Variants in GRK5 observed in about 807,000 individuals in gnomAD.
The protein encoded by GRK5 is g protein-coupled receptor kinase GRK5.
In GRK5, 40 loss-of-function variants were observed where a neutral mutation model predicts 78.4. The observed-to-expected ratio is 0.51, with a 90% CI of 0.40 to 0.66. The LOEUF (loss-of-function observed/expected upper bound fraction) is 0.66. Ranked by LOEUF, GRK5 falls within the 30% of genes least tolerant of loss-of-function variation. The pLI, the probability that GRK5 is intolerant of heterozygous loss-of-function variation, is 0.00. For synonymous variants in GRK5, 289 were observed against 296.8 expected, an observed-to-expected ratio of 0.97 and a Z score of 0.27; for missense variants, 598 against 759.9, an observed-to-expected ratio of 0.79 and a Z score of 2.50.
chr10:119,321,639 A>T (rs868599783), intron 1 of GRK5, among the ~76,000 whole-genome samples: 2 of 152,140 alleles, frequency 1.3e-5, no homozygotes, highest in Non-Finnish European at 2.9e-5. Context: ...ATTATCCATA[A>T]TCTCATCCAC....
intron 2 of GRK5, among the ~76,000 whole-genome samples, chr10:119,362,356 C>CCTCAAGTGT (rs1171134740): frequency 6.6e-6 from 1 of 152,206 alleles, no homozygotes; most frequent in East Asian, 1.9e-4. Flanking sequence ...GTCTGAATGG[C>CCTCAAGTGT]CTGATGTGGC....
At chr10:119,311,914 ATTT>A (rs1554905357) in intron 1 of GRK5, among the ~76,000 whole-genome samples, 2 of 137,814 alleles carry the variant, frequency 1.5e-5, no homozygotes, top group East Asian at 2.1e-4. Context: ...TGAATTGTTC[ATTT>A]TTTTTTTTTT....
intron 1 of GRK5, among the ~76,000 whole-genome samples, chr10:119,304,949 C>T (rs1402992229): frequency 6.6e-6 from 1 of 152,124 alleles, no homozygotes; most frequent in Non-Finnish European, 1.5e-5. Flanking sequence ...TCCTTCTTCC[C>T]TACCTGTTTT....
chr10:119,408,363 A>AAAT (rs1554918541), intron 4 of GRK5, among the ~76,000 whole-genome samples: 5,920 of 141,612 alleles, frequency 0.042, 197 homozygotes, highest in Middle Eastern at 0.054. Context: ...AAAAAAAAAA[A>AAAT]GGCAGAAAAC....
At chr10:119,393,347 G>C (rs560756305) in intron 3 of GRK5, among the ~76,000 whole-genome samples, 1 of 152,396 alleles carries the variant, frequency 6.6e-6, no homozygotes, top group East Asian at 1.9e-4. Context: ...CTGCCGGGAG[G>C]CAGGTGACCT....
intron 9 of GRK5, among the ~76,000 whole-genome samples, chr10:119,437,095 T>A (rs1007129578): frequency 6.6e-6 from 1 of 152,236 alleles, no homozygotes; most frequent in African/African-American, 2.4e-5. Context: ...TGAAATGATG[T>A]TCCTGAAACT....
intron 4 of GRK5, among the ~76,000 whole-genome samples, chr10:119,400,349 G>A (rs1196647477): frequency 6.6e-6 from 1 of 152,240 alleles, no homozygotes; most frequent in African/African-American, 2.4e-5. Context: ...GGACACAAAA[G>A]AAGGGGAAGG....
chr10:119,239,448 C>G (rs1848984959), intron 1 of GRK5, among the ~76,000 whole-genome samples: 1 of 152,204 alleles, frequency 6.6e-6, no homozygotes, highest in East Asian at 1.9e-4. Context: ...TGTTGCCAGG[C>G]TGGTCTCAAA....
intron 4 of GRK5, among the ~76,000 whole-genome samples, chr10:119,406,844 G>A (rs1228573266): frequency 6.6e-6 from 1 of 152,236 alleles, no homozygotes; most frequent in Admixed American, 6.5e-5. Flanking sequence ...GAGCAGCAGA[G>A]AGAGGAATTC....
chr10:119,221,740 C>T (rs1349543902), intron 1 of GRK5, among the ~76,000 whole-genome samples: 1 of 152,008 alleles, frequency 6.6e-6, no homozygotes, highest in African/African-American at 2.4e-5. Flanking sequence ...TGGGAAGAAT[C>T]ATAATAATTT....
At chr10:119,263,769 C>CA (rs1372925414) in intron 1 of GRK5, among the ~76,000 whole-genome samples, 2 of 151,674 alleles carry the variant, frequency 1.3e-5, no homozygotes, top group East Asian at 1.9e-4. Context: ...TTAAAAAATA[C>CA]AAAAAAATTA....
At chr10:119,426,002 T>G (rs1373199506) in intron 6 of GRK5, among the ~76,000 whole-genome samples, 1 of 152,202 alleles carries the variant, frequency 6.6e-6, no homozygotes, top group East Asian at 1.9e-4. Context: ...GTAAAATCCA[T>G]GCCGGGCCGA....
At chr10:119,269,590 G>A (rs1233988489) in intron 1 of GRK5, among the ~76,000 whole-genome samples, 1 of 151,958 alleles carries the variant, frequency 6.6e-6, no homozygotes, top group Non-Finnish European at 1.5e-5. Context: ...TAGCACTTTG[G>A]GAGGCCAAAG....
At chr10:119,263,647 G>T (rs948556165) in intron 1 of GRK5, among the ~76,000 whole-genome samples, 2 of 152,184 alleles carry the variant, frequency 1.3e-5, no homozygotes, top group African/African-American at 4.8e-5. Context: ...GTTGAGGCCA[G>T]GCGCAGTGGC....
chr10:119,453,952 CACCT>C (rs1478448194), intron 15 of GRK5, among the ~76,000 whole-genome samples: 79 of 152,228 alleles, frequency 5.2e-4, no homozygotes, highest in Non-Finnish European at 9.6e-4. Context: ...GAAGGGCCCC[CACCT>C]CACCCCACAC....
chr10:119,288,945 C>T (rs1429226189), intron 1 of GRK5, among the ~76,000 whole-genome samples: 1 of 152,240 alleles, frequency 6.6e-6, no homozygotes, highest in South Asian at 2.1e-4. Context: ...ACTCAGGTCA[C>T]ATTCCCAGAG....
rs561587282 is a variant in GRK5 at position 119,281,612 on chromosome 10, G to A, written c.53-44904G>A. ...CTTCTTCACAGGGAGGGATCTGGCC[G>A]ACCTCGGGTCTTAGCACGGCTGAGC... On this transcript the variant is annotated intron_variant, in intron 1 of 15. Coordinates refer to ENST00000392870, the MANE Select transcript of GRK5 (RefSeq NM_005308.3). Among the ~76,000 whole-genome samples the A allele has an allele frequency of 3.3e-5, 5 of 152,276 alleles. No homozygotes were observed. In the East Asian group the frequency reaches 7.7e-4, roughly 23 times the overall value.
intron 1 of GRK5, among the ~76,000 whole-genome samples, chr10:119,262,668 T>C (rs772853909): frequency 1.1e-4 from 17 of 152,094 alleles, no homozygotes; most frequent in Non-Finnish European, 2.4e-4. Context: ...TTATTTTGCC[T>C]TGGCTTCAGG....
Position 119,368,271 on chromosome 10 carries a change from G to T in GRK5, c.149-12544G>T, listed in dbSNP as rs551074652. ...CCAGATTTCCTGAAATGAAAGCCAG[G>T]GCTCCTTGGCGCCCCTCAGAGCCCC... is the stretch of plus-strand genomic sequence containing the variant. On this transcript the variant is annotated intron_variant, in intron 2 of 15. Coordinates refer to ENST00000392870, the MANE Select transcript of GRK5 (RefSeq NM_005308.3). 2.0e-5 allele frequency among the ~76,000 whole-genome samples: 3 copies of T among 152,360 alleles called. No homozygotes were observed. In the South Asian group the frequency reaches 6.2e-4, roughly 32 times the overall value.
Sources: gnomAD v4.1 joint callset for allele counts (sites outside exome capture counted in the v4.1 genomes callset) on GRCh38, gnomAD v4.1.1 for gene constraint, MANE v1.5 for transcripts, NCBI Gene and HGNC (gene_info 2026-07-23, HGNC 2026-07-21) for gene names.